Variants in MARCHF4 observed in about 807,000 individuals in gnomAD.
MARCHF4 encodes E3 ubiquitin-protein ligase MARCHF4.
MARCHF4 carries 14 observed loss-of-function variants against 43.9 expected under a neutral mutation model. The observed-to-expected ratio is 0.32, with a 90% CI of 0.21 to 0.50. The LOEUF is 0.50. Among genes scored for constraint, MARCHF4 ranks in the 20% least tolerant of loss-of-function variants. MARCHF4 has a pLI of 0.98. For missense variants in MARCHF4, 468 were observed against 536.7 expected (o/e 0.87, Z 1.27); for synonymous variants, 226 against 213.3 (o/e 1.06, Z -0.52).
intron 1 of MARCHF4, among the ~76,000 whole-genome samples, chr2:216,318,885 G>C (rs979890037): frequency 6.6e-6 from 1 of 152,050 alleles, no homozygotes; most frequent in African/African-American, 2.4e-5. Context: ...TTTCAGAAAA[G>C]GGACACACAA....
Position 216,354,919 on chromosome 2 carries a change from CTTTCTTT to C in MARCHF4, c.516+14819_516+14825del, listed in dbSNP as rs1559106564. Among the ~76,000 whole-genome samples the C allele has an allele frequency of 3.8e-3, 442 of 114,846 alleles. 5 individuals are homozygous for C. Among genetic ancestry groups the C allele is most frequent in the Admixed American group, 5.7e-3 (62 of 10,800 alleles). 75.3% of individuals were successfully genotyped at this position (114,846 alleles called of 152,430 possible). The stretch of plus-strand genomic sequence containing the variant: ...TCTTTCTTTCTTTCTTTCTTTCTTT[CTTTCTTT>C]CTTTCTTTCTTTCTTTCTTTCTTTC... On this transcript the variant is annotated intron_variant, in intron 1 of 3. Coordinates refer to ENST00000273067, the MANE Select transcript of MARCHF4 (RefSeq NM_020814.3).
intron 1 of MARCHF4, among the ~76,000 whole-genome samples, chr2:216,313,699 G>T (rs1404588864): frequency 1.3e-5 from 2 of 152,200 alleles, no homozygotes; most frequent in Non-Finnish European, 2.9e-5. Context: ...GAAAAGGAAA[G>T]GGTGTAGAGA....
At chr2:216,292,186 T>C (rs933054472) in intron 1 of MARCHF4, among the ~76,000 whole-genome samples, 7 of 152,264 alleles carry the variant, frequency 4.6e-5, no homozygotes, top group African/African-American at 1.4e-4. Flanking sequence ...CATGGGGTTT[T>C]ACTTCCCCTT....
intron 1 of MARCHF4, among the ~76,000 whole-genome samples, chr2:216,355,931 C>T (rs375002889): frequency 1.4e-4 from 21 of 152,214 alleles, no homozygotes; most frequent in African/African-American, 2.4e-4. Context: ...ACAGAAGGGA[C>T]GCCTCTACAC....
At chr2:216,300,691 G>A (rs1195228132) in intron 1 of MARCHF4, among the ~76,000 whole-genome samples, 11 of 151,918 alleles carry the variant, frequency 7.2e-5, no homozygotes, top group Admixed American at 2.0e-4. Flanking sequence ...TACAAAGCTC[G>A]AAGATAATAA....
intron 1 of MARCHF4, among the ~76,000 whole-genome samples, chr2:216,365,450 C>T (rs76441527): frequency 0.01 from 1,526 of 152,304 alleles, 25 homozygotes; most frequent in African/African-American, 0.035. Context: ...TCCACAGCTG[C>T]CTAGCTGGGA....
At position 216,370,013 on chromosome 2, in the gene MARCHF4, C is replaced by T; in HGVS notation, c.248G>A (p.Gly83Asp). 6.5e-7 allele frequency: 1 copy of T among 1,540,222 alleles called. No homozygotes were observed. The highest frequency in any genetic ancestry group is 1.4e-5 in the African/African-American group (1 of 73,078). Residue 83 changes from glycine to aspartate, a missense_variant, in exon 1 of 4, where the codon GGC becomes GAC. This residue lies in a region of MARCHF4 where 190 missense variants were observed against 158.5 expected (regional missense o/e 1.20). Transcript: ENST00000273067. Reference protein sequence around the residue: ...LAANNTLPALGAGGWAGWRGP... With the variant: ...LAANNTLPALDAGGWAGWRGP... The stretch of plus-strand genomic sequence containing the variant: ...CCTCCAGCCTGCCCACCCCCCGGCG[C>T]CCAGAGCCGGAAGGGTGTTGTTGGC...
At chr2:216,318,149 G>T (rs1016238487) in intron 1 of MARCHF4, 2 of 152,228 alleles carry the variant, frequency 1.3e-5, no homozygotes, top group Non-Finnish European at 2.9e-5. Flanking sequence ...GGTTCTGCAG[G>T]TTAGTGCCTC....
intron 1 of MARCHF4, among the ~76,000 whole-genome samples, chr2:216,314,769 TAAG>T (rs1009300566): frequency 2.6e-5 from 4 of 152,112 alleles, no homozygotes; most frequent in African/African-American, 7.2e-5. Context: ...ATTTGAGGAA[TAAG>T]AAGGAGCCAC....
chr2:216,362,338 C>T (rs890558657), intron 1 of MARCHF4, among the ~76,000 whole-genome samples: 4 of 152,198 alleles, frequency 2.6e-5, no homozygotes, highest in African/African-American at 9.6e-5. Flanking sequence ...CCAAAGATAG[C>T]ACTATTAATC....
At chr2:216,296,536 C>T (rs1001545773) in intron 1 of MARCHF4, among the ~76,000 whole-genome samples, 1 of 152,078 alleles carries the variant, frequency 6.6e-6, no homozygotes, top group African/African-American at 2.4e-5. Flanking sequence ...GGGCTGTGAG[C>T]TTGTGTGTTT....
intron 3 of MARCHF4, 89 bp downstream of exon 3, chr2:216,277,583 G>A (rs1318158193): frequency 1.2e-5 from 16 of 1,366,296 alleles, no homozygotes; most frequent in Non-Finnish European, 1.0e-6. Context: ...ATCTGCTTCA[G>A]CCTCCCACAG....
Position 216,370,097 on chromosome 2 carries a change from CG to C in MARCHF4, c.163del (p.Arg55GlyfsTer104). ...GGGCAGGGGCGCTTGAGGAGGGCGCCGCAGTAAGAAAACCTTCAGGTCATTG... is the reference window on the plus strand; with the variant it reads ...GGGCAGGGGCGCTTGAGGAGGGCGCCCAGTAAGAAAACCTTCAGGTCATTG... ...LFNDLKVFLL[R>X]RPPQAPLPMH... On this transcript the variant is annotated frameshift_variant, in exon 1 of 4. Coordinates refer to ENST00000273067, the MANE Select transcript of MARCHF4 (RefSeq NM_020814.3). LOFTEE classifies it high-confidence loss of function. 6.3e-7 allele frequency: 1 copy of C among 1,587,940 alleles called. No individual in the cohort carries two copies. Among genetic ancestry groups the C allele is most frequent in the Non-Finnish European group, 8.6e-7 (1 of 1,167,526 alleles).
At chr2:216,349,047 G>C (rs1692361691) in intron 1 of MARCHF4, among the ~76,000 whole-genome samples, 1 of 151,936 alleles carries the variant, frequency 6.6e-6, no homozygotes, top group African/African-American at 2.4e-5. Flanking sequence ...CTATCGGTCA[G>C]TTTGGGCTTG....
chr2:216,365,833 T>A (rs1223821878), intron 1 of MARCHF4, among the ~76,000 whole-genome samples: 1 of 152,222 alleles, frequency 6.6e-6, no homozygotes, highest in African/African-American at 2.4e-5. Context: ...CTGGGTTAGA[T>A]TGTGAGACTC....
intron 1 of MARCHF4, among the ~76,000 whole-genome samples, chr2:216,336,850 A>G (rs889878286): frequency 2.6e-5 from 4 of 151,720 alleles, no homozygotes; most frequent in Non-Finnish European, 5.9e-5. Context: ...TTCTGCTTCA[A>G]ATAAATTATT....
intron 3 of MARCHF4, among the ~76,000 whole-genome samples, chr2:216,262,750 C>T (rs991417241): frequency 6.6e-6 from 1 of 151,874 alleles, no homozygotes; most frequent in African/African-American, 2.4e-5. Context: ...CCAAACATCC[C>T]CTTTTTATAA....
chr2:216,308,493 C>T (rs6735973), intron 1 of MARCHF4, among the ~76,000 whole-genome samples: 1,653 of 152,358 alleles, frequency 0.011, 34 homozygotes, highest in African/African-American at 0.037. Flanking sequence ...GTATCACCCA[C>T]GCTGAATGCT....
At position 216,326,524 on chromosome 2, in the gene MARCHF4, C is replaced by T. The variant is rs1262199491; in HGVS notation, c.517-42795G>A. ...GACACATGCACACGTATGTTTATTG[C>T]GGCATTATTCACAATAGCAAAGACT... On this transcript the variant is annotated intron_variant, in intron 1 of 3. Coordinates refer to ENST00000273067, the MANE Select transcript of MARCHF4 (RefSeq NM_020814.3). Among the ~76,000 whole-genome samples, 1,088 of 151,356 alleles carry T rather than the reference C, an allele frequency of 7.2e-3. 8 individuals are homozygous for T. The highest frequency in any genetic ancestry group is 0.025 in the African/African-American group (1,019 of 41,080).
Sources: allele counts gnomAD v4.1 joint callset (sites outside exome capture counted in the v4.1 genomes callset), GRCh38; gene constraint gnomAD v4.1.1; regional missense constraint gnomAD v4.1.1; transcripts MANE v1.5; gene names NCBI Gene and HGNC (gene_info 2026-07-23, HGNC 2026-07-21).